Variants in PLEKHF2 observed in about 807,000 individuals in gnomAD.
The protein encoded by PLEKHF2 is pleckstrin homology domain-containing family F member 2.
Under a neutral mutation model 14.7 loss-of-function variants are expected in PLEKHF2, and 4 were observed. The observed-to-expected ratio is 0.27, with a 90% CI of 0.13 to 0.62. The LOEUF (loss-of-function observed/expected upper bound fraction) is 0.62. Ranked by LOEUF, PLEKHF2 falls within the 20% of genes least tolerant of loss-of-function variation. The pLI is 0.85. For missense variants in PLEKHF2, 201 were observed against 307.7 expected (o/e 0.65, Z 2.60); for synonymous variants, 90 against 103.5 (o/e 0.87, Z 0.79).
chr8:95,153,726 A>G (rs963992476), intron 1 of PLEKHF2, among the ~76,000 whole-genome samples: 20 of 152,142 alleles, frequency 1.3e-4, no homozygotes, highest in African/African-American at 4.3e-4. Flanking sequence ...TTTTGCAGAG[A>G]TAAGTTATGT....
chr8:95,151,355 T>A (rs1288117017), intron 1 of PLEKHF2, among the ~76,000 whole-genome samples: 1 of 147,722 alleles, frequency 6.8e-6, no homozygotes, highest in African/African-American at 2.6e-5. Context: ...GAGAAATAGA[T>A]CCTTTCAGTT....
At position 95,137,955 on chromosome 8, in the gene PLEKHF2, C is replaced by T. The variant is rs557008633; in HGVS notation, c.-15+3925C>T. ...TTGTCCTTATTGTCACCTCCAGTCCCTCCTAGGCCATTAGTTGTCTTCCCT... is the reference window on the plus strand; with the variant it reads ...TTGTCCTTATTGTCACCTCCAGTCCTTCCTAGGCCATTAGTTGTCTTCCCT... On this transcript the variant is annotated intron_variant, in intron 1 of 1. Transcript: ENST00000315367. 3.3e-5 allele frequency among the ~76,000 whole-genome samples: 5 copies of T among 152,324 alleles called. No homozygotes were observed. The South Asian group carries it at 1.0e-3, about 32-fold the overall frequency.
At chr8:95,153,546 A>T (rs1810583673) in intron 1 of PLEKHF2, among the ~76,000 whole-genome samples, 1 of 152,188 alleles carries the variant, frequency 6.6e-6, no homozygotes, top group Non-Finnish European at 1.5e-5. Context: ...GAAGGCCAGG[A>T]CACATGTTGG....
chr8:95,151,999 A>T (rs1810569551), intron 1 of PLEKHF2, among the ~76,000 whole-genome samples: 1 of 152,122 alleles, frequency 6.6e-6, no homozygotes, highest in African/African-American at 2.4e-5. Flanking sequence ...AATTGGTCTT[A>T]TAATCAACGG....
intron 1 of PLEKHF2, among the ~76,000 whole-genome samples, chr8:95,153,097 T>TC (rs1810579870): frequency 6.6e-6 from 1 of 152,138 alleles, no homozygotes; most frequent in Admixed American, 6.6e-5. Context: ...AACAAAACTA[T>TC]CAGATGATCT....
chr8:95,144,948 G>GT (rs1325766745), intron 1 of PLEKHF2, among the ~76,000 whole-genome samples: 1 of 150,786 alleles, frequency 6.6e-6, no homozygotes, highest in African/African-American at 2.4e-5. Flanking sequence ...TCATGACTCA[G>GT]TTTTTTTGTA....
intron 1 of PLEKHF2, among the ~76,000 whole-genome samples, chr8:95,147,507 C>T (rs1810512315): frequency 6.6e-6 from 1 of 151,942 alleles, no homozygotes; most frequent in South Asian, 2.1e-4. Flanking sequence ...AAAACTCATT[C>T]TAGTGTGCAG....
At chr8:95,148,529 A>G (rs1810525322) in intron 1 of PLEKHF2, among the ~76,000 whole-genome samples, 1 of 152,134 alleles carries the variant, frequency 6.6e-6, no homozygotes, top group Admixed American at 6.5e-5. Context: ...CAGATAGCCC[A>G]GAAGCAGATC....
chr8:95,149,807 A>G (rs558594094), intron 1 of PLEKHF2, among the ~76,000 whole-genome samples: 1 of 152,306 alleles, frequency 6.6e-6, no homozygotes, highest in South Asian at 2.1e-4. Context: ...GACATTAATC[A>G]AATTGGGCCA....
At chr8:95,143,244 C>T (rs534717446) in intron 1 of PLEKHF2, among the ~76,000 whole-genome samples, 3 of 152,138 alleles carry the variant, frequency 2.0e-5, no homozygotes, top group Admixed American at 6.5e-5. Flanking sequence ...GGACTCCAGG[C>T]GCCCGCTACC....
intron 1 of PLEKHF2, among the ~76,000 whole-genome samples, chr8:95,150,501 T>A (rs1187718874): frequency 6.6e-6 from 1 of 152,202 alleles, no homozygotes. Context: ...TGTGTTTATG[T>A]TGGTCATTGT....
At chr8:95,149,771 A>T (rs1038232498) in intron 1 of PLEKHF2, among the ~76,000 whole-genome samples, 1 of 152,144 alleles carries the variant, frequency 6.6e-6, no homozygotes, top group African/African-American at 2.4e-5. Flanking sequence ...TCCTATATAC[A>T]CTGGTATTCT....
In PLEKHF2 at chr8:95,154,476, A is replaced by G. The variant is rs1322779872; in HGVS notation, c.432A>G (p.Glu144=). 6.2e-7 allele frequency: 1 copy of G among 1,614,122 alleles called. No individual in the cohort carries two copies. Among genetic ancestry groups the G allele is most frequent in the Non-Finnish European group, 8.5e-7 (1 of 1,179,982 alleles). Residue 144 remains glutamate (E), a synonymous_variant, in exon 2 of 2, where the codon GAA becomes GAG. Coordinates refer to ENST00000315367, the MANE Select transcript of PLEKHF2 (RefSeq NM_024613.4). The surrounding 1 kb of genome is among the most constrained non-coding windows in gnomAD (Gnocchi z 5.6). ...AAAGTGGGAAGACACCCAGTAATGA[A>G]CATGCTGCTGTCTGGGTTCCTGACT... is the stretch of plus-strand genomic sequence containing the variant. ...LSKSGKTPSN[E]HAAVWVPDSE...
rs1366614567 is a variant in PLEKHF2 at position 95,154,277 on chromosome 8, A to G, written c.233A>G (p.His78Arg). The change falls in exon 2 of 2, where the codon CAT becomes CGT. Residue 78 changes from histidine to arginine, a missense_variant. By Grantham distance (29) the His-to-Arg change is conservative. Coordinates refer to ENST00000315367, the MANE Select transcript of PLEKHF2 (RefSeq NM_024613.4). The surrounding 1 kb of genome is among the most constrained non-coding windows in gnomAD (Gnocchi z 5.6). ...CAGAAGAAAAAATATAACAAACAAC[A>G]TATTATTCCCCTGGAAAATGTCACT... ...VIQKKKYNKQ[H>R]IIPLENVTID... 11 of 1,614,012 alleles carry G rather than the reference A, an allele frequency of 6.8e-6. No individual in the cohort carries two copies. Among genetic ancestry groups the G allele is most frequent in the Admixed American group, 6.7e-5 (4 of 60,000 alleles).
intron 1 of PLEKHF2, among the ~76,000 whole-genome samples, chr8:95,152,800 C>T (rs962325237): frequency 6.4e-4 from 97 of 152,164 alleles, no homozygotes; most frequent in Middle Eastern, 3.4e-3. Flanking sequence ...CCAAGAAGGG[C>T]TATAGTGTCA....
intron 1 of PLEKHF2, among the ~76,000 whole-genome samples, chr8:95,135,679 G>A (rs982404775): frequency 2.0e-5 from 3 of 152,160 alleles, no homozygotes; most frequent in Non-Finnish European, 2.9e-5. Flanking sequence ...CAAGTAAATG[G>A]CATTATAACA....
At chr8:95,153,520 A>T (rs945833886) in intron 1 of PLEKHF2, among the ~76,000 whole-genome samples, 4 of 152,132 alleles carry the variant, frequency 2.6e-5, no homozygotes, top group African/African-American at 7.2e-5. Flanking sequence ...CCAAAGATTG[A>T]TTTGGGGGCA....
chr8:95,154,011 C>A lies in PLEKHF2; in HGVS notation c.-14-20C>A. On this transcript the variant is annotated intron_variant, in intron 1 of 1. Transcript: ENST00000315367. This position sits in a 1 kb window ranked among gnomAD's most constrained non-coding sequence, Gnocchi z 5.6. ...ATTTATAATTTATATGTGCTAATTT[C>A]TTTTTCTTTTTTTTAAAAGGCTATT... 6.8e-7 allele frequency: 1 copy of A among 1,473,082 alleles called. No individual in the cohort carries two copies. Among genetic ancestry groups the A allele is most frequent in the South Asian group, 1.5e-5 (1 of 64,850 alleles). The allele number at this position is 1,473,082 out of a possible 1,614,324, so 91.3% of individuals were successfully genotyped here.
chr8:95,154,624 C>T lies in PLEKHF2; in HGVS notation c.580C>T (p.Pro194Ser). 1.2e-6 allele frequency: 2 copies of T among 1,614,122 alleles called. No homozygotes were observed. The highest frequency in any genetic ancestry group is 1.7e-6 in the Non-Finnish European group (2 of 1,179,996). The change falls in exon 2 of 2, where the codon CCC becomes TCC. Residue 194 changes from proline to serine, a missense_variant. Pro to Ser is a moderately conservative substitution (Grantham distance 74, BLOSUM62 -1). Coordinates refer to ENST00000315367, the MANE Select transcript of PLEKHF2 (RefSeq NM_024613.4). The surrounding 1 kb of genome is among the most constrained non-coding windows in gnomAD (Gnocchi z 5.6). Reference protein sequence around the residue: ...GPCSEKRFLLPSQSSKPVRIC... With the variant: ...GPCSEKRFLLSSQSSKPVRIC... The stretch of plus-strand genomic sequence containing the variant: ...CTGCTCTGAAAAGAGATTTCTTCTT[C>T]CCAGCCAGTCCTCTAAGCCTGTGCG...
Sources: allele counts gnomAD v4.1 joint callset (sites outside exome capture counted in the v4.1 genomes callset), GRCh38; gene constraint gnomAD v4.1.1; non-coding constraint Gnocchi (gnomAD v3.1); transcripts MANE v1.5; gene names NCBI Gene and HGNC (gene_info 2026-07-23, HGNC 2026-07-21).